The following SIPA1L2 variants were observed in gnomAD, a reference collection of about 807,000 sequenced individuals.
The protein encoded by SIPA1L2 is signal induced proliferation associated 1 like 2.
In SIPA1L2, 56 loss-of-function variants were observed where a neutral mutation model predicts 163.9. The observed-to-expected ratio is 0.34, with a 90% CI of 0.28 to 0.43. The LOEUF is 0.43. Among genes scored for constraint, SIPA1L2 ranks in the 20% least tolerant of loss-of-function variants. SIPA1L2 has a pLI of 1.00. For synonymous variants in SIPA1L2, 877 were observed against 865.7 expected, an observed-to-expected ratio of 1.01 and a Z score of -0.23; for missense variants, 1,974 against 2,193.5, an observed-to-expected ratio of 0.90 and a Z score of 2.00.
At chr1:232,605,985 GAC>G (rs1279979175) in intron 1 of SIPA1L2, among the ~76,000 whole-genome samples, 1 of 151,902 alleles carries the variant, frequency 6.6e-6, no homozygotes, top group Non-Finnish European at 1.5e-5. Flanking sequence ...CAGTGTCTCA[GAC>G]ACATGATGCT....
intron 3 of SIPA1L2, among the ~76,000 whole-genome samples, chr1:232,501,799 T>A (rs1666493998): frequency 2.0e-5 from 3 of 152,196 alleles, no homozygotes. Flanking sequence ...CCTGACTCAC[T>A]TCTTGATGGC....
At chr1:232,571,671 T>C (rs909078065) in intron 2 of SIPA1L2, among the ~76,000 whole-genome samples, 1 of 152,210 alleles carries the variant, frequency 6.6e-6, no homozygotes, top group South Asian at 2.1e-4. Context: ...GGATCCCTCA[T>C]GAATGGCTTA....
intron 15 of SIPA1L2, among the ~76,000 whole-genome samples, chr1:232,435,884 C>T (rs1480275288): frequency 1.3e-5 from 2 of 152,168 alleles, no homozygotes; most frequent in African/African-American, 4.8e-5. Context: ...GTAAGTCCTC[C>T]CTTTGCCTCC....
At chr1:232,539,758 T>A (rs573233968) in intron 2 of SIPA1L2, among the ~76,000 whole-genome samples, 117 of 152,286 alleles carry the variant, frequency 7.7e-4, no homozygotes, top group African/African-American at 2.7e-3. Flanking sequence ...AGCCTCTTTC[T>A]ACCACGAGTC....
rs373583880 is a variant in SIPA1L2, at chr1:232,441,956, A to G, written c.3438-88T>C. ...GGGAGTGCTGGCTTCCAAGTAGGCT[A>G]TGCGAGGGAAAGCCCTATCCAGGAG... On this transcript the variant is annotated intron_variant, in intron 12 of 22. Transcript: ENST00000674635. 1.8e-4 allele frequency: 198 copies of G among 1,108,000 alleles called. 2 individuals carry two copies. In the South Asian group the frequency reaches 2.7e-3, roughly 15 times the overall value. 68.6% of individuals were successfully genotyped at this position (1,108,000 alleles called of 1,614,324 possible). A position where few individuals can be genotyped will look rare whatever the true frequency, so the allele number is the denominator to read the frequency against.
intron 2 of SIPA1L2, among the ~76,000 whole-genome samples, chr1:232,535,165 A>G (rs1054373754): frequency 2.6e-5 from 4 of 152,228 alleles, no homozygotes; most frequent in African/African-American, 9.6e-5. Flanking sequence ...GGAATTTAAT[A>G]AACGGCTGAA....
At position 232,514,163 on chromosome 1, in the gene SIPA1L2, G is replaced by C; in HGVS notation, c.1177C>G (p.Leu393Val). 6.2e-7 allele frequency: 1 copy of C among 1,614,234 alleles called. No individual in the cohort carries two copies. Among genetic ancestry groups the C allele is most frequent in the East Asian group, 2.2e-5 (1 of 44,878 alleles). Residue 393 changes from leucine to valine, a missense_variant, in exon 3 of 23, where the codon CTG (leucine) becomes GTG (valine). Leu to Val is a conservative substitution (Grantham distance 32). This residue lies in a region of SIPA1L2 where 607 missense variants were observed against 624.0 expected (regional missense o/e 0.97). Transcript: ENST00000674635. ...TTCCCATCACCCTCATCGGCATCCA[G>C]GTTCTCTTTGGAGTTGAGGTCCTCC... ...SKEDLNSKEN[L>V]DADEGDGKSN...
At chr1:232,536,565 C>G (rs962853655) in intron 2 of SIPA1L2, among the ~76,000 whole-genome samples, 1 of 152,122 alleles carries the variant, frequency 6.6e-6, no homozygotes, top group Non-Finnish European at 1.5e-5. Context: ...AATAAAGAAG[C>G]CTTTAGGCTG....
intron 1 of SIPA1L2, among the ~76,000 whole-genome samples, chr1:232,620,083 C>T (rs952673367): frequency 6.6e-6 from 1 of 152,066 alleles, no homozygotes. Flanking sequence ...CGGGGTTTCA[C>T]CATGTTGGTC....
At chr1:232,481,212 C>T (rs1665337242) in intron 6 of SIPA1L2, among the ~76,000 whole-genome samples, 1 of 152,158 alleles carries the variant, frequency 6.6e-6, no homozygotes, top group Non-Finnish European at 1.5e-5. Flanking sequence ...TCTCTTGGCT[C>T]GGAACCTTGA....
intron 2 of SIPA1L2, among the ~76,000 whole-genome samples, chr1:232,564,162 G>C (rs1266716246): frequency 1.8e-4 from 15 of 85,500 alleles, no homozygotes; most frequent in African/African-American, 1.1e-3. Flanking sequence ...GTGTGTGTGT[G>C]TGTGTGTGTG....
At chr1:232,518,974 CCACAAAA>C (rs1667333312) in intron 2 of SIPA1L2, among the ~76,000 whole-genome samples, 1 of 74,414 alleles carries the variant, frequency 1.3e-5, no homozygotes, top group African/African-American at 3.8e-5. Context: ...TATATTGTAA[CCACAAAA>C]GTTTCATTTG....
chr1:232,443,373 T>A (rs1252615061), intron 12 of SIPA1L2, among the ~76,000 whole-genome samples: 2 of 152,276 alleles, frequency 1.3e-5, no homozygotes, highest in Admixed American at 6.5e-5. Context: ...TCTGAAAACC[T>A]TTCCTCATCA....
In SIPA1L2 at chr1:232,441,353, A is replaced by G. The variant is rs1662881583; in HGVS notation, c.3580T>C (p.Tyr1194His). 4 of 1,595,246 alleles carry G rather than the reference A, an allele frequency of 2.5e-6. No individual in the cohort carries two copies. Among genetic ancestry groups the G allele is most frequent in the Non-Finnish European group, 3.4e-6 (4 of 1,175,758 alleles). The change falls in exon 14 of 23, where the codon TAT becomes CAT. Residue 1194 changes from tyrosine to histidine, a missense_variant. This residue lies in a region of SIPA1L2 where 1,079 missense variants were observed against 1,150.7 expected (regional missense o/e 0.94). Coordinates refer to ENST00000674635, the MANE Select transcript of SIPA1L2 (RefSeq NM_020808.5). ...TCTTTCTGCAGAGCTCTTTCTTTAT[A>G]GGAACCCAGGACTTTGGAAGGTGGG... ...HGPPSKVLGS[Y>H]KERALQKDGS...
chr1:232,487,272 G>A (rs1220282118), intron 5 of SIPA1L2, among the ~76,000 whole-genome samples: 2 of 152,198 alleles, frequency 1.3e-5, no homozygotes, highest in African/African-American at 4.8e-5. Flanking sequence ...AAATGAAGGT[G>A]AGAAGAAAAC....
chr1:232,495,424 G>T (rs1443369142), intron 3 of SIPA1L2, among the ~76,000 whole-genome samples: 2 of 152,038 alleles, frequency 1.3e-5, no homozygotes, highest in Non-Finnish European at 2.9e-5. Flanking sequence ...AATTAGCCAG[G>T]TGTGGTGGCA....
chr1:232,472,705 T>C (rs1281545549), intron 7 of SIPA1L2, among the ~76,000 whole-genome samples: 2 of 152,228 alleles, frequency 1.3e-5, no homozygotes, highest in African/African-American at 4.8e-5. Context: ...TAAATCTCTT[T>C]TTACTAGCAA....
At position 232,414,647 on chromosome 1, in the gene SIPA1L2, A is replaced by G. The variant is rs536917553; in HGVS notation, c.4762+847T>C. ...TCTCACAGAGCGCAGGGCATTAAACAGCCCCTACTAAAATGATCCTGCCTC... is the reference window on the plus strand; with the variant it reads ...TCTCACAGAGCGCAGGGCATTAAACGGCCCCTACTAAAATGATCCTGCCTC... On this transcript the variant is annotated intron_variant, in intron 19 of 22. Coordinates refer to ENST00000674635, the MANE Select transcript of SIPA1L2 (RefSeq NM_020808.5). Among the ~76,000 whole-genome samples the G allele has an allele frequency of 3.3e-5, 5 of 152,278 alleles. No homozygotes were observed. The South Asian group carries it at 8.3e-4, about 25-fold the overall frequency.
chr1:232,504,944 T>A (rs1666660316), intron 3 of SIPA1L2, among the ~76,000 whole-genome samples: 1 of 152,240 alleles, frequency 6.6e-6, no homozygotes, highest in Admixed American at 6.5e-5. Context: ...GCTAAAAAAA[T>A]TCATGCAAAG....
Sources: allele counts gnomAD v4.1 joint callset (sites outside exome capture counted in the v4.1 genomes callset), GRCh38; gene constraint gnomAD v4.1.1; regional missense constraint gnomAD v4.1.1; transcripts MANE v1.5; gene names NCBI Gene and HGNC (gene_info 2026-07-23, HGNC 2026-07-21).